Variants in HPSE2 observed in about 807,000 individuals in gnomAD.
HPSE2 encodes heparanase 2 (inactive).
A neutral mutation model predicts 60.5 loss-of-function variants in HPSE2; 38 were observed. That is an observed-to-expected ratio of 0.63 (90% CI 0.48 to 0.82). HPSE2 has a LOEUF of 0.82. Among genes scored for constraint, HPSE2 ranks in the 40% least tolerant of loss-of-function variants. The probability of loss-of-function intolerance (pLI) is 0.00; values close to 1 mark genes in which losing one functional copy is unlikely to be tolerated. For missense variants in HPSE2, 713 were observed against 740.4 expected (o/e 0.96, Z 0.43); for synonymous variants, 295 against 293.2 (o/e 1.01, Z -0.06).
chr10:99,139,849 G>A (rs1845801720), intron 3 of HPSE2, among the ~76,000 whole-genome samples: 1 of 152,114 alleles, frequency 6.6e-6, no homozygotes, highest in African/African-American at 2.4e-5. Context: ...TATCAACCCA[G>A]GTGGGTGTGA....
chr10:99,077,720 A>G (rs551156804), intron 3 of HPSE2, among the ~76,000 whole-genome samples: 36 of 151,044 alleles, frequency 2.4e-4, no homozygotes, highest in Admixed American at 6.6e-4. Flanking sequence ...GTGTATATAT[A>G]TGTGTGTGTG....
intron 3 of HPSE2, among the ~76,000 whole-genome samples, chr10:98,765,316 T>C (rs1035241038): frequency 5.3e-5 from 8 of 152,158 alleles, no homozygotes; most frequent in Admixed American, 5.2e-4. Flanking sequence ...TATATGACCA[T>C]AATGGCATTA....
chr10:98,942,834 G>A lies in HPSE2; in HGVS notation c.611-198778C>T, dbSNP rs375224666. On this transcript the variant is annotated intron_variant, in intron 3 of 11. Coordinates refer to ENST00000370552, the MANE Select transcript of HPSE2 (RefSeq NM_021828.5). ...TAGCAAAGACTTGGAACCAACCCAA[G>A]TGTCCAACAATGATAGACTGGATTA... 8.6e-3 allele frequency among the ~76,000 whole-genome samples: 1,305 copies of A among 151,784 alleles called. 24 individuals carry two copies. The highest frequency in any genetic ancestry group is 0.029 in the African/African-American group (1,192 of 41,348).
intron 3 of HPSE2, among the ~76,000 whole-genome samples, chr10:98,763,876 G>A (rs2134395963): frequency 6.6e-6 from 1 of 151,954 alleles, no homozygotes; most frequent in South Asian, 2.1e-4. Flanking sequence ...TGATGCCAAA[G>A]GGAAATGAAC....
At chr10:98,589,133 T>G (rs1362068430) in intron 9 of HPSE2, among the ~76,000 whole-genome samples, 1 of 152,120 alleles carries the variant, frequency 6.6e-6, no homozygotes, top group African/African-American at 2.4e-5. Flanking sequence ...TGCACTGCAG[T>G]CAAGTATAGG....
At chr10:99,295,932 T>C in the HPSE2 span, among the ~76,000 whole-genome samples, 1 of 152,216 alleles carries the variant, frequency 6.6e-6, no homozygotes, top group Non-Finnish European at 1.5e-5. Context: ...CTTTAGGTTA[T>C]CATCTTAGAC....
chr10:99,296,362 C>A, the HPSE2 span, among the ~76,000 whole-genome samples: 1 of 152,212 alleles, frequency 6.6e-6, no homozygotes, highest in Non-Finnish European at 1.5e-5. Flanking sequence ...GATGCCCCCC[C>A]AACATGCCGT....
chr10:98,854,958 G>C (rs1374964851), intron 3 of HPSE2, among the ~76,000 whole-genome samples: 1 of 152,020 alleles, frequency 6.6e-6, no homozygotes, highest in Non-Finnish European at 1.5e-5. Context: ...TTAGGATACG[G>C]GAAGCTATAA....
At chr10:99,043,755 C>T (rs902061293) in intron 3 of HPSE2, among the ~76,000 whole-genome samples, 14 of 152,154 alleles carry the variant, frequency 9.2e-5, no homozygotes, top group African/African-American at 3.4e-4. Flanking sequence ...ATAGACCAAA[C>T]TGAGGAAAGA....
intron 3 of HPSE2, among the ~76,000 whole-genome samples, chr10:98,895,191 A>G (rs1217775156): frequency 6.6e-6 from 1 of 152,196 alleles, no homozygotes; most frequent in Admixed American, 6.6e-5. Context: ...CCATACGTAT[A>G]GAAATTAAAA....
intron 9 of HPSE2, among the ~76,000 whole-genome samples, chr10:98,503,441 T>C (rs1405690742): frequency 6.6e-6 from 1 of 152,130 alleles, no homozygotes; most frequent in East Asian, 1.9e-4. Flanking sequence ...ACAGCCACTA[T>C]GGAAAACAGT....
At chr10:99,233,785 C>T (rs913903791) in intron 1 of HPSE2, among the ~76,000 whole-genome samples, 4 of 152,166 alleles carry the variant, frequency 2.6e-5, no homozygotes, top group African/African-American at 9.7e-5. Context: ...CCAGGACAGG[C>T]ACAGTCAGGG....
rs1323010711 is a variant in HPSE2 at position 98,937,462 on chromosome 10, G to A, written c.611-193406C>T. 4.8e-5 allele frequency among the ~76,000 whole-genome samples: 7 copies of A among 144,430 alleles called. 1 individual carries two copies. Among genetic ancestry groups the A allele is most frequent in the East Asian group, 2.0e-4 (1 of 5,088 alleles). The allele number at this position is 144,430 out of a possible 152,430, so 94.8% of individuals were successfully genotyped here. On this transcript the variant is annotated intron_variant, in intron 3 of 11. Transcript: ENST00000370552. ...CCGCACATGGCTTGGAGGGTCCTAC[G>A]CCCACGGAGTCTCGCTGATTGCTAG...
Position 98,515,276 on chromosome 10 carries a change from G to A in HPSE2, c.1321-25080C>T, listed in dbSNP as rs79334966. Among the ~76,000 whole-genome samples the A allele has an allele frequency of 3.2e-3, 485 of 152,114 alleles. 8 individuals carry two copies. Among genetic ancestry groups the A allele is most frequent in the East Asian group, 0.029 (151 of 5,174 alleles). ...CCCTGGATCCTACCCTTTTCAAGCCGGCTGCTTTACCTTTTCTTCTCTGCT... is the reference window on the plus strand; with the variant it reads ...CCCTGGATCCTACCCTTTTCAAGCCAGCTGCTTTACCTTTTCTTCTCTGCT... On this transcript the variant is annotated intron_variant, in intron 9 of 11. Coordinates refer to ENST00000370552, the MANE Select transcript of HPSE2 (RefSeq NM_021828.5).
chr10:98,820,487 C>T (rs1284464483), intron 3 of HPSE2, among the ~76,000 whole-genome samples: 1 of 152,100 alleles, frequency 6.6e-6, no homozygotes, highest in East Asian at 1.9e-4. Context: ...AACTGAATAC[C>T]TAATTTTCCT....
intron 2 of HPSE2, among the ~76,000 whole-genome samples, chr10:99,223,519 C>T (rs1424609745): frequency 1.3e-5 from 2 of 152,084 alleles, no homozygotes; most frequent in Non-Finnish European, 2.9e-5. Context: ...CATATAGATA[C>T]ATGCATGCAC....
At chr10:98,923,996 A>G (rs1020011220) in intron 3 of HPSE2, among the ~76,000 whole-genome samples, 1 of 152,128 alleles carries the variant, frequency 6.6e-6, no homozygotes, top group Non-Finnish European at 1.5e-5. Flanking sequence ...TTAAAGAGTT[A>G]TGTATTTATT....
Position 98,620,716 on chromosome 10 carries a change from C to A in HPSE2, c.1099-8G>T, listed in dbSNP as rs974316568. 5.6e-6 allele frequency: 9 copies of A among 1,594,354 alleles called. No homozygotes were observed. The highest frequency in any genetic ancestry group is 1.7e-5 in the Admixed American group (1 of 59,822). ...AGTGTATGTATTAACCACCTGTTTA[C>A]ACAACAAAAGCAGAAGGGGATAACG... On this transcript the variant is annotated splice_polypyrimidine_tract_variant and splice_region_variant and intron_variant, in intron 7 of 11. Transcript: ENST00000370552.
intron 2 of HPSE2, among the ~76,000 whole-genome samples, chr10:99,198,522 A>G (rs917021157): frequency 2.0e-5 from 3 of 152,362 alleles, no homozygotes; most frequent in East Asian, 1.9e-4. Flanking sequence ...CAACTGAGTT[A>G]TGATACCATA....
Sources: allele counts gnomAD v4.1 joint callset (sites outside exome capture counted in the v4.1 genomes callset), GRCh38; gene constraint gnomAD v4.1.1; transcripts MANE v1.5; gene names NCBI Gene and HGNC (gene_info 2026-07-23, HGNC 2026-07-21).